Variants in ANKHD1 observed in about 807,000 individuals in gnomAD.
ANKHD1 encodes the protein ankyrin repeat and KH domain-containing protein 1.
In ANKHD1, 31 loss-of-function variants were observed where a neutral mutation model predicts 230.5. The observed-to-expected ratio is 0.13, with a 90% CI of 0.10 to 0.18. The LOEUF (loss-of-function observed/expected upper bound fraction) is 0.18. Among genes scored for constraint, ANKHD1 ranks in the 10% least tolerant of loss-of-function variants. ANKHD1 has a pLI of 1.00. For missense variants in ANKHD1, 2,256 were observed against 3,071.3 expected, an observed-to-expected ratio of 0.73 and a Z score of 6.27; for synonymous variants, 1,074 against 1,117.6, an observed-to-expected ratio of 0.96 and a Z score of 0.78.
rs1307184519 is a variant in ANKHD1 at position 140,487,071 on chromosome 5, G to T, written c.2245+11G>T. On this transcript the variant is annotated intron_variant, in intron 14 of 33. Coordinates refer to ENST00000360839, the MANE Select transcript of ANKHD1 (RefSeq NM_017747.3). ...TAGGAGTGCAAAAAGGTTAGTTATT[G>T]AATTATTTTTCTTAAAATGGGTATT... The T allele has an allele frequency of 2.5e-6, 4 of 1,598,352 alleles. No homozygotes were observed. The South Asian group carries it at 4.5e-5, about 18-fold the overall frequency.
Position 140,526,984 on chromosome 5 carries a change from T to G in ANKHD1, c.4997T>G (p.Leu1666Trp). The part of the protein sequence containing the change: ...SLSTSYKTVS[L>W]PLSSPNIKLN... ...TCAACCAGCTACAAGACAGTGTCAT[T>G]GCCATTAAGCTCTCCAAACATAAAG... is the stretch of plus-strand genomic sequence containing the variant. The change falls in exon 27 of 34, where the codon TTG becomes TGG. Residue 1666 changes from leucine (L) to tryptophan (W), a missense_variant. Leu to Trp is a moderately conservative substitution (Grantham distance 61). Around this residue, in one of 13 missense-constraint regions of ANKHD1, gnomAD observed 212 missense variants for 257.3 expected, o/e 0.82. Transcript: ENST00000360839. The G allele has an allele frequency of 6.2e-7, 1 of 1,613,824 alleles. No individual in the cohort carries two copies. Among genetic ancestry groups the G allele is most frequent in the Non-Finnish European group, 8.5e-7 (1 of 1,179,860 alleles).
At chr5:140,464,217 T>TGA (rs886711407) in intron 9 of ANKHD1, among the ~76,000 whole-genome samples, 2 of 147,744 alleles carry the variant, frequency 1.4e-5, no homozygotes, top group African/African-American at 5.0e-5. Context: ...AGCGACAGAG[T>TGA]GAGACTATCT....
chr5:140,539,354 T>C lies in ANKHD1; in HGVS notation c.7570-5T>C. 6.2e-7 allele frequency: 1 copy of C among 1,613,442 alleles called. No homozygotes were observed. The highest frequency in any genetic ancestry group is 1.3e-5 in the African/African-American group (1 of 75,018). On this transcript the variant is annotated splice_polypyrimidine_tract_variant and splice_region_variant and intron_variant, in intron 33 of 33. Transcript: ENST00000360839. ...GAAATTCCAATTTTTCCTCCCCCTTTTCAGATTTGGCCTGGCACGTGGGCA... is the reference window on the plus strand; with the variant it reads ...GAAATTCCAATTTTTCCTCCCCCTTCTCAGATTTGGCCTGGCACGTGGGCA...
At chr5:140,432,860 C>T (rs146323252) in intron 1 of ANKHD1, among the ~76,000 whole-genome samples, 88 of 152,234 alleles carry the variant, frequency 5.8e-4, no homozygotes, top group African/African-American at 2.0e-3. Flanking sequence ...TATGCCATGA[C>T]GCTAGGCTAA....
intron 7 of ANKHD1, 143 bp downstream of exon 7, chr5:140,449,448 T>G: frequency 1.1e-6 from 1 of 894,132 alleles, no homozygotes; most frequent in Non-Finnish European, 1.6e-6. Context: ...GCGGATCACA[T>G]GGTCAGGAGT....
chr5:140,515,203 G>A lies in ANKHD1; in HGVS notation c.4317+1724G>A, dbSNP rs764406088. On this transcript the variant is annotated intron_variant, in intron 24 of 33. Coordinates refer to ENST00000360839, the MANE Select transcript of ANKHD1 (RefSeq NM_017747.3). The stretch of plus-strand genomic sequence containing the variant: ...TGAGGCAGGAGAATTGTTTGAACCC[G>A]GGAGGCAGAAGTTGCAGTGAGCTGA... Among the ~76,000 whole-genome samples the A allele has an allele frequency of 6.1e-4, 93 of 151,290 alleles. 1 individual carries two copies. Among genetic ancestry groups the A allele is most frequent in the Non-Finnish European group, 1.1e-3 (73 of 67,768 alleles).
intron 24 of ANKHD1, among the ~76,000 whole-genome samples, chr5:140,514,561 T>G (rs1412697582): frequency 6.6e-6 from 1 of 152,164 alleles, no homozygotes; most frequent in Non-Finnish European, 1.5e-5. Flanking sequence ...TAATATATGA[T>G]TCAAAGGAAA....
intron 15 of ANKHD1, among the ~76,000 whole-genome samples, chr5:140,499,405 CAT>C (rs1163688359): frequency 2.0e-5 from 3 of 152,012 alleles, no homozygotes; most frequent in African/African-American, 7.2e-5. Context: ...TCTTACCACT[CAT>C]ATTAGTAAAG....
At chr5:140,510,311 T>A in intron 22 of ANKHD1, 130 bp downstream of exon 22, 21 of 726,874 alleles carry the variant, frequency 2.9e-5, no homozygotes, top group South Asian at 4.9e-5. Context: ...TTTCCATTCT[T>A]TTTTTTTTTT....
At chr5:140,414,837 C>CAAAAA (rs35534779) in intron 1 of ANKHD1, among the ~76,000 whole-genome samples, 2 of 138,778 alleles carry the variant, frequency 1.4e-5, no homozygotes, top group African/African-American at 2.7e-5. Context: ...GACCCTGTCT[C>CAAAAA]AAAAAAAAAA....
At chr5:140,509,908 GT>G in intron 21 of ANKHD1, 96 bp downstream of exon 21, 1 of 1,542,280 alleles carries the variant, frequency 6.5e-7, no homozygotes, top group Non-Finnish European at 8.7e-7. Flanking sequence ...TATTGATATT[GT>G]TAAGAAAAGA....
rs545135036 is a variant in ANKHD1 at position 140,436,436 on chromosome 5, A to G, written c.460+179A>G. ...TTTTGTATTTCTGGGCTCAACTCAT[A>G]TATTTTTAAGGTATTAAGATAATGA... On this transcript the variant is annotated intron_variant, in intron 2 of 33. Transcript: ENST00000360839. Among the ~76,000 whole-genome samples, 38 of 152,286 alleles carry G rather than the reference A, an allele frequency of 2.5e-4. 1 individual carries two copies. In the South Asian group the frequency reaches 3.3e-3, roughly 13 times the overall value.
At chr5:140,404,431 TG>T (rs1243486738) in intron 1 of ANKHD1, among the ~76,000 whole-genome samples, 3 of 151,400 alleles carry the variant, frequency 2.0e-5, no homozygotes, top group Middle Eastern at 6.3e-3. Context: ...TTTAATTTTT[TG>T]TTTTTTTTGT....
At chr5:140,415,595 C>T (rs558659722) in intron 1 of ANKHD1, among the ~76,000 whole-genome samples, 152 of 150,914 alleles carry the variant, frequency 1.0e-3, no homozygotes, top group Non-Finnish European at 1.5e-3. Flanking sequence ...CACGCCACCA[C>T]GCCCAGCTAA....
At chr5:140,428,396 G>A (rs1772723742) in intron 1 of ANKHD1, among the ~76,000 whole-genome samples, 1 of 152,276 alleles carries the variant, frequency 6.6e-6, no homozygotes, top group African/African-American at 2.4e-5. Context: ...CACCTCGGGA[G>A]GCCGAGGCTG....
chr5:140,519,643 T>C (rs1279122993), intron 24 of ANKHD1, among the ~76,000 whole-genome samples: 1 of 152,140 alleles, frequency 6.6e-6, no homozygotes, highest in Non-Finnish European at 1.5e-5. Flanking sequence ...AACTATCTGA[T>C]CTTTGACAAA....
At chr5:140,484,462 C>G (rs984477445) in intron 11 of ANKHD1, among the ~76,000 whole-genome samples, 1 of 152,174 alleles carries the variant, frequency 6.6e-6, no homozygotes, top group Non-Finnish European at 1.5e-5. Context: ...ATTCTGTCTT[C>G]TCTCCATATC....
intron 6 of ANKHD1, among the ~76,000 whole-genome samples, chr5:140,447,735 G>T (rs1045059207): frequency 6.6e-6 from 1 of 152,108 alleles, no homozygotes; most frequent in Non-Finnish European, 1.5e-5. Context: ...GTATCCACAA[G>T]GTTACAATAA....
chr5:140,532,194 A>G (rs1430278185), intron 29 of ANKHD1, among the ~76,000 whole-genome samples: 1 of 149,796 alleles, frequency 6.7e-6, no homozygotes. Flanking sequence ...TGACAGAGCG[A>G]GACTCTGTCT....
Sources: allele counts gnomAD v4.1 joint callset (sites outside exome capture counted in the v4.1 genomes callset), GRCh38; gene constraint gnomAD v4.1.1; regional missense constraint gnomAD v4.1.1; transcripts MANE v1.5; gene names NCBI Gene and HGNC (gene_info 2026-07-23, HGNC 2026-07-21).